CHD2: variants seen among roughly 807,000 people sequenced by gnomAD.
The protein encoded by CHD2 is ATP-dependent chromatin remodeler CHD2.
CHD2 carries 28 observed loss-of-function variants against 243.9 expected under a neutral mutation model. The observed-to-expected ratio is 0.11, with a 90% confidence interval of 0.09 to 0.16. The LOEUF is 0.16. Among genes scored for constraint, CHD2 ranks in the 10% least tolerant of loss-of-function variants. The pLI is 1.00. For synonymous variants in CHD2, 775 were observed against 779.0 expected (o/e 0.99, Z 0.09); for missense variants, 1,386 against 2,209.8 (o/e 0.63, Z 7.47).
rs2054595796 is a variant in CHD2 at position 93,027,523 on chromosome 15, A to T, written c.*2818A>T. ...CAGCCCTTCGAAGGGAAGCCCAAAC[A>T]CTTTGCACGCTGTGCTGCAGACATT... On this transcript the variant is annotated 3_prime_UTR_variant, in exon 39 of 39. Coordinates refer to ENST00000394196, the MANE Select transcript of CHD2 (RefSeq NM_001271.4). 1 of 152,440 alleles carries T rather than the reference A, an allele frequency of 6.6e-6. No homozygotes were observed. Among genetic ancestry groups the T allele is most frequent in the African/African-American group, 2.4e-5 (1 of 41,416 alleles). The allele number at this position is 152,440 out of a possible 1,614,324, so 9.4% of individuals were successfully genotyped here. A position where few individuals can be genotyped will look rare whatever the true frequency, so the allele number is the denominator to read the frequency against.
chr15:93,008,836 A>C (rs529529876), intron 34 of CHD2, among the ~76,000 whole-genome samples: 43 of 152,312 alleles, frequency 2.8e-4, no homozygotes, highest in Admixed American at 1.2e-3. Flanking sequence ...ACTGCTGCTC[A>C]TTAGATCTTC....
intron 5 of CHD2, among the ~76,000 whole-genome samples, chr15:92,929,684 A>G (rs1399623055): frequency 6.6e-6 from 1 of 152,194 alleles, no homozygotes; most frequent in Non-Finnish European, 1.5e-5. Context: ...AATAATTTTT[A>G]AAGTCATTTT....
intron 7 of CHD2, 114 bp from the exon 8 acceptor site, chr15:92,941,708 C>T (rs1302440703): frequency 9.2e-7 from 1 of 1,083,034 alleles, no homozygotes; most frequent in Non-Finnish European, 1.3e-6. Context: ...ATCTATAAAA[C>T]AACATGCTTT....
chr15:92,909,063 T>C (rs2052677632), intron 2 of CHD2, among the ~76,000 whole-genome samples: 1 of 139,578 alleles, frequency 7.2e-6, no homozygotes. Context: ...AGGTTGCAGT[T>C]AGATGAACTG....
intron 13 of CHD2, 127 bp downstream of exon 13, chr15:92,949,203 A>G (rs1424259791): frequency 6.6e-7 from 1 of 1,507,460 alleles, no homozygotes; most frequent in Admixed American, 2.5e-5. Context: ...TTTATGCTGC[A>G]TATTACAGAA....
intron 35 of CHD2, 123 bp downstream of exon 35, chr15:93,009,446 T>G: frequency 1.1e-6 from 1 of 918,966 alleles, no homozygotes; most frequent in Non-Finnish European, 1.6e-6. Flanking sequence ...AACTCATCTA[T>G]TGGCAATATA....
intron 19 of CHD2, among the ~76,000 whole-genome samples, chr15:92,973,188 C>G (rs1254091457): frequency 6.6e-6 from 1 of 152,146 alleles, no homozygotes; most frequent in African/African-American, 2.4e-5. Flanking sequence ...CCTTGCTACT[C>G]CCTGAAGTAA....
At chr15:92,990,622 C>T (rs901453144) in intron 26 of CHD2, among the ~76,000 whole-genome samples, 13 of 152,180 alleles carry the variant, frequency 8.5e-5, no homozygotes, top group Middle Eastern at 3.2e-3. Context: ...TTTGTATCTG[C>T]GCTGTTCCTT....
In CHD2 at chr15:92,912,678, T is replaced by C. The variant is rs1379727131; in HGVS notation, c.62+11379T>C. ...CCTTCTGAGTAGCTGGGACCACAGG[T>C]GCCCGCCACCACGCCTGGCTAATTT... On this transcript the variant is annotated intron_variant, in intron 2 of 38. Transcript: ENST00000394196. Among the ~76,000 whole-genome samples the C allele has an allele frequency of 5.3e-5, 8 of 152,236 alleles. No individual in the cohort carries two copies. In the East Asian group the frequency reaches 1.4e-3, roughly 26 times the overall value.
At chr15:92,940,782 A>G (rs2053349897) in intron 7 of CHD2, among the ~76,000 whole-genome samples, 1 of 142,660 alleles carries the variant, frequency 7.0e-6, no homozygotes, top group Non-Finnish European at 1.5e-5. Flanking sequence ...TAAAAAATAT[A>G]AAAAATATAT....
At chr15:92,925,282 T>C (rs1440722769) in intron 3 of CHD2, among the ~76,000 whole-genome samples, 1 of 152,188 alleles carries the variant, frequency 6.6e-6, no homozygotes, top group Non-Finnish European at 1.5e-5. Flanking sequence ...TTTCACATGG[T>C]AGCTCTCTGT....
chr15:93,019,881 TA>T, intron 37 of CHD2, 130 bp from the exon 38 acceptor site: 1 of 1,091,974 alleles, frequency 9.2e-7, no homozygotes. Flanking sequence ...TGCAGTGATC[TA>T]AGATCGTGCC....
Position 92,900,742 on chromosome 15 carries a change from TGCCTTTA to T in CHD2, c.-153_-147del. 2 of 397,174 alleles carry T rather than the reference TGCCTTTA, an allele frequency of 5.0e-6. No homozygotes were observed. The highest frequency in any genetic ancestry group is 6.3e-4 in the Middle Eastern group (1 of 1,582). 24.6% of individuals were successfully genotyped at this position (397,174 alleles called of 1,614,324 possible). ...TTTTTCGTTTTTTAACGGAGGATTT[TGCCTTTA>T]TTTTTAATTATTTGGGATCTGATAT... is the stretch of plus-strand genomic sequence containing the variant. On this transcript the variant is annotated 5_prime_UTR_variant, in exon 1 of 39. Coordinates refer to ENST00000394196, the MANE Select transcript of CHD2 (RefSeq NM_001271.4).
At chr15:92,934,464 A>G (rs948655999) in intron 5 of CHD2, among the ~76,000 whole-genome samples, 1 of 152,196 alleles carries the variant, frequency 6.6e-6, no homozygotes, top group Non-Finnish European at 1.5e-5. Context: ...TGGATATTGT[A>G]AGTTTCCTTT....
intron 26 of CHD2, among the ~76,000 whole-genome samples, chr15:92,990,788 T>C (rs1030234471): frequency 1.3e-5 from 2 of 152,182 alleles, no homozygotes; most frequent in Non-Finnish European, 2.9e-5. Flanking sequence ...TAATGTGTCA[T>C]GAAGTCCTGG....
chr15:92,979,067 CT>C, intron 21 of CHD2, 67 bp from the exon 22 acceptor site: 2 of 1,571,022 alleles, frequency 1.3e-6, no homozygotes, highest in African/African-American at 2.7e-5. Context: ...AGAGCTAATC[CT>C]TCTCTCTTTT....
At chr15:92,953,834 C>T (rs887027000) in intron 14 of CHD2, 2 of 423,842 alleles carry the variant, frequency 4.7e-6, no homozygotes, top group African/African-American at 4.0e-5. Context: ...TTTTTCTTCT[C>T]TCTGCCCTTT....
chr15:92,941,648 T>C (rs1385731845), intron 7 of CHD2, among the ~76,000 whole-genome samples, 174 bp from the exon 8 acceptor site: 1 of 152,218 alleles, frequency 6.6e-6, no homozygotes, highest in East Asian at 1.9e-4. Context: ...GGAGCATTCA[T>C]CAGCACTTTA....
chr15:92,928,033 T>A (rs2053095724), intron 4 of CHD2, among the ~76,000 whole-genome samples: 1 of 152,204 alleles, frequency 6.6e-6, no homozygotes, highest in Non-Finnish European at 1.5e-5. Flanking sequence ...CTCAATGAAA[T>A]GTCTACTTTC....
Sources: allele counts gnomAD v4.1 joint callset (sites outside exome capture counted in the v4.1 genomes callset), GRCh38; gene constraint gnomAD v4.1.1; transcripts MANE v1.5; gene names NCBI Gene and HGNC (gene_info 2026-07-23, HGNC 2026-07-21).